XKR4: variants seen among roughly 807,000 people sequenced by gnomAD.
XKR4 encodes the protein XK related 4, also known as XK-related protein 4.
In XKR4, 12 loss-of-function variants were observed where a neutral mutation model predicts 53.9. The observed-to-expected ratio is 0.22, with a 90% CI of 0.14 to 0.36. XKR4 has a LOEUF of 0.36. Among genes scored for constraint, XKR4 ranks in the 10% least tolerant of loss-of-function variants. The pLI, the probability that XKR4 is intolerant of heterozygous loss-of-function variation, is 1.00. For missense variants in XKR4, 799 were observed against 859.5 expected (o/e 0.93, Z 0.88); for synonymous variants, 354 against 362.4 (o/e 0.98, Z 0.26).
At chr8:55,501,773 A>T (rs1196990362) in intron 2 of XKR4, among the ~76,000 whole-genome samples, 1 of 152,122 alleles carries the variant, frequency 6.6e-6, no homozygotes, top group Non-Finnish European at 1.5e-5. Flanking sequence ...TATTGTGAGT[A>T]ATGCTGTTAT....
intron 1 of XKR4, among the ~76,000 whole-genome samples, chr8:55,155,787 G>A (rs1357800089): frequency 1.3e-5 from 2 of 152,182 alleles, no homozygotes; most frequent in East Asian, 1.9e-4. Context: ...GGGAAAAGAT[G>A]AGTCACCCAC....
At chr8:55,325,817 A>G (rs1002769910) in intron 1 of XKR4, among the ~76,000 whole-genome samples, 5 of 152,224 alleles carry the variant, frequency 3.3e-5, no homozygotes, top group African/African-American at 1.2e-4. Flanking sequence ...GAGACACTAT[A>G]CAAATGGATT....
At chr8:55,136,881 C>A (rs147326261) in intron 1 of XKR4, among the ~76,000 whole-genome samples, 1 of 152,248 alleles carries the variant, frequency 6.6e-6, no homozygotes, top group African/African-American at 2.4e-5. Context: ...CAACAACTGG[C>A]ATATCCAGAA....
intron 2 of XKR4, among the ~76,000 whole-genome samples, chr8:55,491,348 T>C (rs1806269651): frequency 6.6e-6 from 1 of 152,250 alleles, no homozygotes; most frequent in African/African-American, 2.4e-5. Context: ...CACATTTTTC[T>C]GTAGCTTTAC....
intron 2 of XKR4, among the ~76,000 whole-genome samples, chr8:55,403,595 G>A (rs536621699): frequency 2.0e-4 from 30 of 152,212 alleles, no homozygotes; most frequent in South Asian, 1.5e-3. Context: ...CATTTTTCTC[G>A]TCACTGTATT....
intron 2 of XKR4, among the ~76,000 whole-genome samples, chr8:55,411,983 G>A (rs1804784643): frequency 6.6e-6 from 1 of 152,198 alleles, no homozygotes; most frequent in African/African-American, 2.4e-5. Flanking sequence ...ATCATGTATG[G>A]AAACTATTCA....
chr8:55,328,456 C>G (rs1264181134), intron 1 of XKR4, among the ~76,000 whole-genome samples: 1 of 152,152 alleles, frequency 6.6e-6, no homozygotes, highest in African/African-American at 2.4e-5. Flanking sequence ...CCTCACTCCC[C>G]ACATCCTGTC....
chr8:55,113,565 T>G (rs903516922), intron 1 of XKR4, among the ~76,000 whole-genome samples: 3 of 152,204 alleles, frequency 2.0e-5, no homozygotes, highest in Admixed American at 6.5e-5. Context: ...TGAGGTCAAC[T>G]TGATATATAT....
At chr8:55,361,152 T>A (rs1803897862) in intron 2 of XKR4, among the ~76,000 whole-genome samples, 1 of 152,226 alleles carries the variant, frequency 6.6e-6, no homozygotes, top group Non-Finnish European at 1.5e-5. Flanking sequence ...CCCGACTGCA[T>A]GCACGGCTGT....
At chr8:55,483,730 C>T (rs932412142) in intron 2 of XKR4, among the ~76,000 whole-genome samples, 3 of 150,544 alleles carry the variant, frequency 2.0e-5, no homozygotes, top group Admixed American at 1.3e-4. Flanking sequence ...ATACTAAATG[C>T]ATCCATTAGA....
At chr8:55,461,473 T>C (rs757418425) in intron 2 of XKR4, among the ~76,000 whole-genome samples, 4 of 152,080 alleles carry the variant, frequency 2.6e-5, no homozygotes, top group Admixed American at 6.6e-5. Context: ...AACCCAACTG[T>C]ACATCACTAT....
rs140096277 is a variant in XKR4 at position 55,223,767 on chromosome 8, A to G, written c.806+120473A>G. 3.7e-3 allele frequency among the ~76,000 whole-genome samples: 571 copies of G among 152,352 alleles called. 2 individuals carry two copies. Among genetic ancestry groups the G allele is most frequent in the Middle Eastern group, 0.01 (3 of 294 alleles). On this transcript the variant is annotated intron_variant, in intron 1 of 2. Transcript: ENST00000327381. The stretch of plus-strand genomic sequence containing the variant: ...AGATTTTTGTCATGGGTACTTAAGC[A>G]GAAAGATATTGTTACCTTTCGCCGG...
intron 1 of XKR4, among the ~76,000 whole-genome samples, chr8:55,163,869 T>C (rs1029460023): frequency 2.6e-5 from 4 of 152,008 alleles, no homozygotes; most frequent in Non-Finnish European, 5.9e-5. Flanking sequence ...AAATGAAATA[T>C]AAATAAATAA....
chr8:55,491,364 C>G (rs1422645781), intron 2 of XKR4, among the ~76,000 whole-genome samples: 1 of 152,044 alleles, frequency 6.6e-6, no homozygotes, highest in African/African-American at 2.4e-5. Context: ...TTTACATTGT[C>G]CATGATTTTT....
chr8:55,490,574 A>T (rs1876236), intron 2 of XKR4, among the ~76,000 whole-genome samples: 61,144 of 152,066 alleles, frequency 0.4, 14,167 homozygotes, highest in African/African-American at 0.64. Context: ...TGTAACTATT[A>T]AAACCAGAAA....
At chr8:55,160,442 A>G (rs1816968555) in intron 1 of XKR4, among the ~76,000 whole-genome samples, 2 of 152,202 alleles carry the variant, frequency 1.3e-5, no homozygotes, top group African/African-American at 4.8e-5. Flanking sequence ...TAAAAGAGGC[A>G]GGGGTAATTT....
rs575847988 is a variant in XKR4, at chr8:55,485,233, A to G, written c.1007-38048A>G. ...TGTCCTCTGTGGCCACTGTTATTCAACATACTACTGGAAGTTCTAGACACT... is the reference window on the plus strand; with the variant it reads ...TGTCCTCTGTGGCCACTGTTATTCAGCATACTACTGGAAGTTCTAGACACT... On this transcript the variant is annotated intron_variant, in intron 2 of 2. Transcript: ENST00000327381. Among the ~76,000 whole-genome samples, 11 of 152,346 alleles carry G rather than the reference A, an allele frequency of 7.2e-5. No individual in the cohort carries two copies. The South Asian group carries it at 2.3e-3, about 32-fold the overall frequency.
intron 2 of XKR4, among the ~76,000 whole-genome samples, chr8:55,383,867 C>T (rs1804270264): frequency 6.6e-6 from 1 of 152,152 alleles, no homozygotes; most frequent in African/African-American, 2.4e-5. Context: ...CATATTCAGA[C>T]AATCTGGCTC....
chr8:55,454,779 G>T, intron 2 of XKR4: 1 of 777,278 alleles, frequency 1.3e-6, no homozygotes, highest in South Asian at 1.4e-5. Flanking sequence ...GCGTCTTTGG[G>T]GCAAACATCT....
Sources: gnomAD v4.1 joint callset for allele counts (sites outside exome capture counted in the v4.1 genomes callset) on GRCh38, gnomAD v4.1.1 for gene constraint, MANE v1.5 for transcripts, NCBI Gene and HGNC (gene_info 2026-07-23, HGNC 2026-07-21) for gene names.